The following ABTB3 variants were observed in gnomAD, a reference collection of about 807,000 sequenced individuals.
ABTB3 encodes the protein ankyrin repeat- and BTB/POZ domain-containing protein 3.
the ABTB3 span, among the ~76,000 whole-genome samples, chr12:107,460,087 C>A: frequency 6.6e-6 from 1 of 152,254 alleles, no homozygotes; most frequent in East Asian, 1.9e-4. Flanking sequence ...GCAACTTCTC[C>A]CCAAACCCTT....
the ABTB3 span, among the ~76,000 whole-genome samples, chr12:107,514,165 A>T: frequency 6.6e-6 from 1 of 152,340 alleles, no homozygotes; most frequent in South Asian, 2.1e-4. Context: ...CACAGAGGGC[A>T]GCTGCAGGAT....
chr12:107,637,113 A>T, the ABTB3 span, among the ~76,000 whole-genome samples: 1 of 150,962 alleles, frequency 6.6e-6, no homozygotes, highest in Admixed American at 6.6e-5. Context: ...AGGGATACTC[A>T]TGTGTCAGCC....
the ABTB3 span, among the ~76,000 whole-genome samples, chr12:107,505,239 T>C: frequency 2.6e-5 from 4 of 152,118 alleles, no homozygotes; most frequent in African/African-American, 9.7e-5. Context: ...AGAATTAAAA[T>C]TAATCTGGGA....
chr12:107,645,319 C>A, the ABTB3 span, among the ~76,000 whole-genome samples: 1 of 152,132 alleles, frequency 6.6e-6, no homozygotes, highest in Non-Finnish European at 1.5e-5. Context: ...TGCTCTGGGA[C>A]CTGTCTCTGA....
At chr12:107,407,580 C>G in the ABTB3 span, among the ~76,000 whole-genome samples, 1 of 152,198 alleles carries the variant, frequency 6.6e-6, no homozygotes, top group Admixed American at 6.5e-5. Flanking sequence ...GGGGCAGGTG[C>G]CTTCATTTCT....
chr12:107,352,408 G>A, the ABTB3 span, among the ~76,000 whole-genome samples: 2 of 152,300 alleles, frequency 1.3e-5, 1 homozygote, highest in South Asian at 4.1e-4. Flanking sequence ...AGGAAAAAGA[G>A]GATGCAGAAA....
At chr12:107,458,587 A>G in the ABTB3 span, among the ~76,000 whole-genome samples, 1 of 152,174 alleles carries the variant, frequency 6.6e-6, no homozygotes, top group Non-Finnish European at 1.5e-5. Context: ...CACCCCTCAC[A>G]TTACTGATGG....
chr12:107,409,193 C>T, the ABTB3 span, among the ~76,000 whole-genome samples: 1 of 152,210 alleles, frequency 6.6e-6, no homozygotes, highest in East Asian at 1.9e-4. Flanking sequence ...TGTGAGAGAG[C>T]CCAGGCCCCA....
chr12:107,568,381 C>T, the ABTB3 span, among the ~76,000 whole-genome samples: 1 of 129,624 alleles, frequency 7.7e-6, no homozygotes, highest in Non-Finnish European at 1.7e-5. Context: ...AAGACAAAGT[C>T]AAAAATCCAG....
chr12:107,373,871 G>A, the ABTB3 span, among the ~76,000 whole-genome samples: 3 of 152,190 alleles, frequency 2.0e-5, no homozygotes, highest in African/African-American at 2.4e-5. Flanking sequence ...AATACTTGTG[G>A]GGGAACTGAA....
the ABTB3 span, among the ~76,000 whole-genome samples, chr12:107,566,438 G>C: frequency 6.6e-6 from 1 of 152,126 alleles, no homozygotes; most frequent in Non-Finnish European, 1.5e-5. Context: ...ACTTGAGCCA[G>C]ACTCACAGTA....
the ABTB3 span, among the ~76,000 whole-genome samples, chr12:107,381,147 A>G: frequency 6.6e-6 from 1 of 151,530 alleles, no homozygotes; most frequent in Non-Finnish European, 1.5e-5. Flanking sequence ...ATTCTCCCTG[A>G]TATTATATTG....
At chr12:107,364,175 C>T in the ABTB3 span, among the ~76,000 whole-genome samples, 2 of 152,178 alleles carry the variant, frequency 1.3e-5, no homozygotes, top group Admixed American at 1.3e-4. Context: ...TGACATATTC[C>T]CTGCTGTGTC....
the ABTB3 span, among the ~76,000 whole-genome samples, chr12:107,412,151 C>T: frequency 3.9e-5 from 6 of 152,164 alleles, no homozygotes; most frequent in African/African-American, 1.2e-4. Flanking sequence ...CAACAACAGA[C>T]ATTTATTGAG....
chr12:107,386,899 GTGTGTGTGTGTGTGTGTGTGTGTGTA>G, the ABTB3 span, among the ~76,000 whole-genome samples: 1 of 146,898 alleles, frequency 6.8e-6, no homozygotes, highest in Non-Finnish European at 1.5e-5. Flanking sequence ...AAGTGTGTGT[GTGTGTGTGTGTGTGTGTGTGTGTGTA>G]TGTGTGCGCA....
the ABTB3 span, among the ~76,000 whole-genome samples, chr12:107,489,323 C>G: frequency 2.0e-3 from 300 of 152,206 alleles, no homozygotes; most frequent in African/African-American, 6.7e-3. Context: ...GAGTTTGAAA[C>G]CAGCCTGACC....
the ABTB3 span, among the ~76,000 whole-genome samples, chr12:107,526,765 G>T: frequency 6.6e-5 from 10 of 152,182 alleles, no homozygotes; most frequent in South Asian, 2.1e-4. Flanking sequence ...GTATAAAAAG[G>T]TTTTCTGGGT....
the ABTB3 span, among the ~76,000 whole-genome samples, chr12:107,518,818 C>T: frequency 1.3e-3 from 184 of 144,270 alleles, no homozygotes; most frequent in African/African-American, 4.6e-3. Flanking sequence ...ATAAGTGCTT[C>T]CACTGTGTTG....
chr12:107,387,164 G>C, the ABTB3 span, among the ~76,000 whole-genome samples: 3 of 152,024 alleles, frequency 2.0e-5, no homozygotes, highest in Non-Finnish European at 4.4e-5. Flanking sequence ...TTTTAGTAGA[G>C]ACAGGGTTTC....
Sources: allele counts gnomAD v4.1 joint callset (sites outside exome capture counted in the v4.1 genomes callset), GRCh38; gene constraint gnomAD v4.1.1; transcripts MANE v1.5; gene names NCBI Gene and HGNC (gene_info 2026-07-23, HGNC 2026-07-21).